Variants in SPEN observed in about 807,000 individuals in gnomAD.
SPEN encodes the protein spen family transcriptional repressor.
A neutral mutation model predicts 269.9 loss-of-function variants in SPEN; 18 were observed. The observed-to-expected ratio is 0.07, with a 90% CI of 0.05 to 0.10. SPEN has a LOEUF of 0.10. Ranked by LOEUF, SPEN falls within the 10% of genes least tolerant of loss-of-function variation. SPEN has a pLI of 1.00. For synonymous variants in SPEN, 1,726 were observed against 1,765.7 expected, an observed-to-expected ratio of 0.98 and a Z score of 0.56; for missense variants, 3,822 against 4,631.2, an observed-to-expected ratio of 0.83 and a Z score of 5.07.
chr1:15,850,609 A>G (rs962187412), intron 1 of SPEN, among the ~76,000 whole-genome samples: 5 of 152,198 alleles, frequency 3.3e-5, no homozygotes, highest in Admixed American at 1.3e-4. Context: ...TGTACAAGAA[A>G]TGTTCCTGCT....
chr1:15,933,902 C>A lies in SPEN; in HGVS notation c.7662C>A (p.Val2554=), dbSNP rs753429774. 2.5e-6 allele frequency: 4 copies of A among 1,613,900 alleles called. No homozygotes were observed. Among genetic ancestry groups the A allele is most frequent in the Non-Finnish European group, 3.4e-6 (4 of 1,180,032 alleles). Residue 2554 remains valine, a synonymous_variant, in exon 11 of 15, where the codon GTC becomes GTA. Transcript: ENST00000375759. This position sits in a 1 kb window ranked among gnomAD's most constrained non-coding sequence, Gnocchi z 5.7. ...VSATSVTSTS[V]TTAIAEPVSA... ...CCACAAGTGTCACTTCCACAAGTGTCACCACAGCCATTGCAGAGCCTGTCA... is the reference window on the plus strand; with the variant it reads ...CCACAAGTGTCACTTCCACAAGTGTAACCACAGCCATTGCAGAGCCTGTCA...
chr1:15,895,079 C>T (rs1343206178), intron 3 of SPEN, among the ~76,000 whole-genome samples: 2 of 152,006 alleles, frequency 1.3e-5, no homozygotes, highest in East Asian at 1.9e-4. Context: ...TGTGCCACCA[C>T]GCCTGGCTAA....
Position 15,928,718 on chromosome 1 carries a change from A to G in SPEN, c.2478A>G (p.Gly826=). The G allele has an allele frequency of 6.2e-7, 1 of 1,614,086 alleles. No individual in the cohort carries two copies. Residue 826 remains glycine, a synonymous_variant, in exon 11 of 15, where the codon GGA becomes GGG. Transcript: ENST00000375759. The surrounding 1 kb of genome is among the most constrained non-coding windows in gnomAD (Gnocchi z 5.7). ...KDKTDKQKRK[G]KVHSPSSQSS... Reference sequence around the variant, plus strand: ...AAACTGACAAGCAGAAACGCAAAGGAAAGGTTCACTCCCCTAGTTCTCAGT... The same window carrying G: ...AAACTGACAAGCAGAAACGCAAAGGGAAGGTTCACTCCCCTAGTTCTCAGT...
In SPEN at chr1:15,928,410, C is replaced by A. The variant is rs949668986; in HGVS notation, c.2170C>A (p.Arg724=). ...DRDHERRPIE[R]SQSPVHLRRP... The stretch of plus-strand genomic sequence containing the variant: ...AGACCATGAGAGGAGGCCGATTGAA[C>A]GAAGTCAAAGTCCTGTTCACTTGCG... Residue 724 remains arginine (R), a synonymous_variant, in exon 11 of 15, where the codon CGA becomes AGA. Transcript: ENST00000375759. This position sits in a 1 kb window ranked among gnomAD's most constrained non-coding sequence, Gnocchi z 5.7. 9 of 1,614,100 alleles carry A rather than the reference C, an allele frequency of 5.6e-6. No homozygotes were observed. In the East Asian group the frequency reaches 2.0e-4, roughly 36 times the overall value.
chr1:15,901,486 CA>C (rs557160068), intron 3 of SPEN, among the ~76,000 whole-genome samples: 10 of 148,992 alleles, frequency 6.7e-5, no homozygotes, highest in African/African-American at 9.9e-5. Context: ...AAAATGCAAA[CA>C]AAAAAAATAG....
chr1:15,928,495 AGAG>A lies in SPEN; in HGVS notation c.2260_2262del (p.Arg754del), dbSNP rs763505780. 1 of 1,614,126 alleles carries A rather than the reference AGAG, an allele frequency of 6.2e-7. No homozygotes were observed. The highest frequency in any genetic ancestry group is 8.5e-7 in the Non-Finnish European group (1 of 1,180,036). The stretch of plus-strand genomic sequence containing the variant: ...GCAGAGAGGTTGCCGAGTGATTCTG[AGAG>A]GAGGCTTTACAGCCGATCCTCAGAC... On this transcript the variant is annotated inframe_deletion, in exon 11 of 15. Coordinates refer to ENST00000375759, the MANE Select transcript of SPEN (RefSeq NM_015001.3). The surrounding 1 kb of genome is among the most constrained non-coding windows in gnomAD (Gnocchi z 5.7).
At chr1:15,914,140 C>G (rs1156954439) in intron 5 of SPEN, among the ~76,000 whole-genome samples, 1 of 152,134 alleles carries the variant, frequency 6.6e-6, no homozygotes, top group African/African-American at 2.4e-5. Context: ...CTGAGTCCAC[C>G]TGAGTTTCAT....
rs35841965 is a variant in SPEN at position 15,894,533 on chromosome 1, G to GTTTT, written c.882-14786_882-14785insTTTT. Among the ~76,000 whole-genome samples the GTTTT allele has an allele frequency of 2.7e-3, 374 of 136,002 alleles. 7 individuals carry two copies. The highest frequency in any genetic ancestry group is 0.011 in the African/African-American group (356 of 33,676). 89.2% of individuals were successfully genotyped at this position (136,002 alleles called of 152,430 possible). A position where few individuals can be genotyped will look rare whatever the true frequency, so the allele number is the denominator to read the frequency against. ...TAGATCCTAAAACTACCATATTATG[G>GTTTT]TTGTTTTTTTTTTTTTTTTTTTTTT... is the stretch of plus-strand genomic sequence containing the variant. On this transcript the variant is annotated intron_variant, in intron 3 of 14. Transcript: ENST00000375759.
Position 15,931,015 on chromosome 1 carries a change from G to A in SPEN, c.4775G>A (p.Arg1592Gln), listed in dbSNP as rs370305920. 34 of 1,613,692 alleles carry A rather than the reference G, an allele frequency of 2.1e-5. No individual in the cohort carries two copies. Among genetic ancestry groups the A allele is most frequent in the African/African-American group, 4.0e-5 (3 of 74,842 alleles). Reference protein sequence around the residue: ...LFHSRFMELTRMQQKEKEKDQ... With the variant: ...LFHSRFMELTQMQQKEKEKDQ... ...CATAGCAGATTTATGGAGCTCACAC[G>A]GATGCAACAGAAAGAAAAAGAAAAA... is the stretch of plus-strand genomic sequence containing the variant. The change falls in exon 11 of 15, where the codon CGG (arginine) becomes CAG (glutamine). Residue 1592 changes from arginine to glutamine, a missense_variant. By Grantham distance (43) the Arg-to-Gln change is conservative. Coordinates refer to ENST00000375759, the MANE Select transcript of SPEN (RefSeq NM_015001.3). The surrounding 1 kb of genome is among the most constrained non-coding windows in gnomAD (Gnocchi z 4.8).
chr1:15,893,012 C>T (rs1420538801), intron 3 of SPEN, among the ~76,000 whole-genome samples: 2 of 152,092 alleles, frequency 1.3e-5, no homozygotes, highest in Admixed American at 6.6e-5. Context: ...GCAGGAGAAT[C>T]GTTTGAACCC....
intron 5 of SPEN, among the ~76,000 whole-genome samples, chr1:15,914,739 G>A (rs988540632): frequency 2.6e-5 from 4 of 152,068 alleles, no homozygotes; most frequent in African/African-American, 9.7e-5. Flanking sequence ...CAGGAGAATT[G>A]CTTGAACCCA....
Position 15,897,239 on chromosome 1 carries a change from G to C in SPEN, c.882-12082G>C, listed in dbSNP as rs371444956. ...GAGTCTCGCTTTGTCGCCCAGGCTG[G>C]AGTGCAGTGGTTCAATCTCGGCTCA... On this transcript the variant is annotated intron_variant, in intron 3 of 14. Coordinates refer to ENST00000375759, the MANE Select transcript of SPEN (RefSeq NM_015001.3). 4.3e-4 allele frequency among the ~76,000 whole-genome samples: 65 copies of C among 152,236 alleles called. No individual in the cohort carries two copies. In the South Asian group the frequency reaches 0.011, roughly 26 times the overall value.
At chr1:15,899,592 G>A (rs767061648) in intron 3 of SPEN, among the ~76,000 whole-genome samples, 3 of 126,844 alleles carry the variant, frequency 2.4e-5, no homozygotes, top group Non-Finnish European at 3.2e-5. Context: ...TGCTGAACTC[G>A]AACTCCTGGG....
chr1:15,892,327 C>T (rs1351993255), intron 3 of SPEN, among the ~76,000 whole-genome samples: 2 of 151,964 alleles, frequency 1.3e-5, no homozygotes, highest in South Asian at 2.1e-4. Flanking sequence ...CCCAGCTCTT[C>T]GTTTTACTTT....
rs532529155 is a variant in SPEN, at chr1:15,923,817, A to G, written c.1850+1468A>G. Among the ~76,000 whole-genome samples, 7 of 151,946 alleles carry G rather than the reference A, an allele frequency of 4.6e-5. No individual in the cohort carries two copies. The East Asian group carries it at 1.4e-3, about 29-fold the overall frequency. On this transcript the variant is annotated intron_variant, in intron 10 of 14. Coordinates refer to ENST00000375759, the MANE Select transcript of SPEN (RefSeq NM_015001.3). ...CCCGAGTAGCTGGGACTACAGGCGC[A>G]TGCCACCATGCCCGGCTAATTTTTG...
At chr1:15,878,293 A>C (rs576616237) in intron 3 of SPEN, among the ~76,000 whole-genome samples, 3 of 152,178 alleles carry the variant, frequency 2.0e-5, no homozygotes, top group African/African-American at 7.2e-5. Context: ...ATTTAAGCAA[A>C]TGGTCATGTA....
At chr1:15,865,574 C>T (rs545091679) in intron 1 of SPEN, among the ~76,000 whole-genome samples, 8 of 150,468 alleles carry the variant, frequency 5.3e-5, no homozygotes, top group Non-Finnish European at 4.4e-5. Context: ...AGGCACGCAC[C>T]GCCACATCCG....
rs1184525804 is a variant in SPEN at position 15,939,813 on chromosome 1, T to G, written c.*386T>G. On this transcript the variant is annotated 3_prime_UTR_variant, in exon 15 of 15. Coordinates refer to ENST00000375759, the MANE Select transcript of SPEN (RefSeq NM_015001.3). This position sits in a 1 kb window ranked among gnomAD's most constrained non-coding sequence, Gnocchi z 4.1. ...ATTAGTGACTTGGACTTTTGCCCAG[T>G]GAAGACAGGCTGTGACACTCTGGAT... 4.2e-6 allele frequency: 1 copy of G among 237,252 alleles called. No homozygotes were observed. Among genetic ancestry groups the G allele is most frequent in the Non-Finnish European group, 8.3e-6 (1 of 120,794 alleles). The allele number at this position is 237,252 out of a possible 1,614,324, so 14.7% of individuals were successfully genotyped here.
intron 10 of SPEN, among the ~76,000 whole-genome samples, chr1:15,922,780 G>A (rs1041473023): frequency 1.3e-5 from 2 of 151,972 alleles, no homozygotes; most frequent in African/African-American, 4.8e-5. Context: ...TTGCCACCAC[G>A]CTGGAGTAAT....
Sources: allele counts gnomAD v4.1 joint callset (sites outside exome capture counted in the v4.1 genomes callset), GRCh38; gene constraint gnomAD v4.1.1; non-coding constraint Gnocchi (gnomAD v3.1); transcripts MANE v1.5; gene names NCBI Gene and HGNC (gene_info 2026-07-23, HGNC 2026-07-21).